AP4E1: variants seen among roughly 807,000 people sequenced by gnomAD.
AP4E1 encodes adaptor related protein complex 4 subunit epsilon 1, also known as AP-4 complex subunit epsilon-1.
In AP4E1, 56 loss-of-function variants were observed where a neutral mutation model predicts 128.2. That is an observed-to-expected ratio of 0.44 (90% CI 0.35 to 0.55). The LOEUF (loss-of-function observed/expected upper bound fraction) is 0.55. Among genes scored for constraint, AP4E1 ranks in the 20% least tolerant of loss-of-function variants. The pLI is 0.00. For missense variants in AP4E1, 1,324 were observed against 1,307.7 expected, an observed-to-expected ratio of 1.01 and a Z score of -0.19; for synonymous variants, 484 against 473.1, an observed-to-expected ratio of 1.02 and a Z score of -0.30.
chr15:50,948,045 C>T lies in AP4E1; in HGVS notation c.1202C>T (p.Thr401Ile), dbSNP rs1240376631. The change falls in exon 11 of 21, where the codon ACT (threonine) becomes ATT (isoleucine). Residue 401 changes from threonine (T) to isoleucine (I), a missense_variant. Coordinates refer to ENST00000261842, the MANE Select transcript of AP4E1 (RefSeq NM_007347.5). ...ACTCTGGAACTTCTTTACAGAATTA[C>T]TAATGCACAGAATATAACAGTTATT... ...RETLELLYRI[T>I]NAQNITVIVQ... The T allele has an allele frequency of 1.9e-6, 3 of 1,607,168 alleles. No homozygotes were observed. Among genetic ancestry groups the T allele is most frequent in the Admixed American group, 1.7e-5 (1 of 59,998 alleles).
intron 20 of AP4E1, 127 bp downstream of exon 20, chr15:51,001,310 G>C: frequency 1.1e-6 from 1 of 878,068 alleles, no homozygotes; most frequent in Non-Finnish European, 1.7e-6. Context: ...TCTTTCAGAT[G>C]AATGTGTTTT....
At chr15:50,983,935 T>C (rs554900275) in intron 15 of AP4E1, 87 bp from the exon 16 acceptor site, 62 of 1,399,526 alleles carry the variant, frequency 4.4e-5, no homozygotes, top group Non-Finnish European at 6.0e-6. Context: ...AGTTCCAGGC[T>C]TGAATTATTG....
chr15:50,981,129 A>G (rs1193045851), intron 15 of AP4E1, among the ~76,000 whole-genome samples: 2 of 152,132 alleles, frequency 1.3e-5, no homozygotes, highest in Non-Finnish European at 2.9e-5. Flanking sequence ...ACTAGCTTGC[A>G]GCATCAGCCT....
intron 1 of AP4E1, among the ~76,000 whole-genome samples, chr15:50,909,205 C>T (rs929181213): frequency 6.6e-6 from 1 of 152,202 alleles, no homozygotes; most frequent in African/African-American, 2.4e-5. Context: ...GTTTTCTCAA[C>T]GTTGTGGTGG....
intron 16 of AP4E1, among the ~76,000 whole-genome samples, chr15:50,992,723 A>G (rs1461730524): frequency 6.6e-6 from 1 of 152,152 alleles, no homozygotes; most frequent in Non-Finnish European, 1.5e-5. Flanking sequence ...TCTTTTTTAG[A>G]TAAAACTTCA....
intron 1 of AP4E1, among the ~76,000 whole-genome samples, chr15:50,909,517 T>C (rs1261551823): frequency 6.6e-6 from 1 of 152,164 alleles, no homozygotes; most frequent in African/African-American, 2.4e-5. Flanking sequence ...AAATGTAAAA[T>C]TTGCTAAGTC....
intron 15 of AP4E1, among the ~76,000 whole-genome samples, chr15:50,977,706 GTT>G (rs1401774266): frequency 1.2e-5 from 1 of 80,282 alleles, no homozygotes; most frequent in African/African-American, 4.7e-5. Context: ...ATCTGTTATG[GTT>G]TTTTTTTTTT....
chr15:51,002,207 A>G (rs916802718), intron 20 of AP4E1, among the ~76,000 whole-genome samples: 17 of 152,140 alleles, frequency 1.1e-4, no homozygotes, highest in African/African-American at 3.9e-4. Flanking sequence ...AGAAACCACC[A>G]TATCATTTTC....
intron 14 of AP4E1, among the ~76,000 whole-genome samples, chr15:50,960,024 C>T (rs1330077305): frequency 2.0e-5 from 3 of 151,872 alleles, no homozygotes; most frequent in Non-Finnish European, 4.4e-5. Flanking sequence ...ATAAAGGAGA[C>T]AAGAAATGTT....
chr15:50,986,954 G>A (rs1205082690), intron 16 of AP4E1, among the ~76,000 whole-genome samples: 1 of 152,088 alleles, frequency 6.6e-6, no homozygotes, highest in African/African-American at 2.4e-5. Flanking sequence ...TTTTTTGGTT[G>A]GTAAGCTATT....
intron 16 of AP4E1, among the ~76,000 whole-genome samples, chr15:50,989,398 A>G (rs1450615575): frequency 6.6e-6 from 1 of 151,984 alleles, no homozygotes; most frequent in Non-Finnish European, 1.5e-5. Context: ...GGTTACAAGT[A>G]TTTATCAGAA....
At chr15:50,908,135 G>A (rs1386633047), upstream of AP4E1, among the ~76,000 whole-genome samples, 1 of 152,192 alleles carries the variant, frequency 6.6e-6, no homozygotes, top group African/African-American at 2.4e-5. Context: ...GGGCGGACGG[G>A]AAGCGACAGT....
At chr15:50,994,366 A>G (rs573762251) in intron 17 of AP4E1, among the ~76,000 whole-genome samples, 12 of 152,158 alleles carry the variant, frequency 7.9e-5, no homozygotes, top group African/African-American at 2.9e-4. Flanking sequence ...CAAAATTTTG[A>G]TTAGAGTGAC....
Position 50,972,858 on chromosome 15 carries a change from A to T in AP4E1, c.1966+4481A>T, listed in dbSNP as rs141185085. 4.8e-3 allele frequency among the ~76,000 whole-genome samples: 730 copies of T among 152,252 alleles called. 5 individuals are homozygous for T. Among genetic ancestry groups the T allele is most frequent in the Admixed American group, 8.4e-3 (129 of 15,294 alleles). On this transcript the variant is annotated intron_variant, in intron 15 of 20. Coordinates refer to ENST00000261842, the MANE Select transcript of AP4E1 (RefSeq NM_007347.5). The stretch of plus-strand genomic sequence containing the variant: ...TTGGGGATGGGGGGCATGTCTTCTG[A>T]GGGTAGCCCTATGGGGATGTTTCTC...
chr15:50,964,837 G>A (rs553335119), intron 14 of AP4E1, among the ~76,000 whole-genome samples: 1 of 152,124 alleles, frequency 6.6e-6, no homozygotes, highest in African/African-American at 2.4e-5. Context: ...TGGAGGTAGG[G>A]CCTGGTGGGA....
At position 50,965,134 on chromosome 15, in the gene AP4E1, C is replaced by T. The variant is rs142564098; in HGVS notation, c.1852-3129C>T. On this transcript the variant is annotated intron_variant, in intron 14 of 20. Transcript: ENST00000261842. ...GCTTCTTGTACAGCCTGCAGATCCG[C>T]GAGTCAATGAAACCTATTTTTTTTT... Among the ~76,000 whole-genome samples the T allele has an allele frequency of 4.5e-3, 683 of 152,166 alleles. 5 individuals carry two copies. The highest frequency in any genetic ancestry group is 0.015 in the African/African-American group (636 of 41,484).
chr15:50,924,031 G>A (rs1354481527), intron 4 of AP4E1, 27 bp downstream of exon 4: 2 of 1,558,866 alleles, frequency 1.3e-6, no homozygotes, highest in Non-Finnish European at 1.8e-6. Flanking sequence ...TGGTTAATAT[G>A]AAGTCATAAT....
intron 10 of AP4E1, among the ~76,000 whole-genome samples, chr15:50,943,602 A>G (rs1408319398): frequency 6.6e-6 from 1 of 152,188 alleles, no homozygotes; most frequent in Non-Finnish European, 1.5e-5. Context: ...TCCTTTGTAT[A>G]GTTGAGTACT....
chr15:50,960,959 T>C (rs1303521987), intron 14 of AP4E1, among the ~76,000 whole-genome samples: 2 of 151,934 alleles, frequency 1.3e-5, no homozygotes, highest in East Asian at 1.9e-4. Context: ...ATGGCTACCA[T>C]AGAAATATAA....
Sources: allele counts gnomAD v4.1 joint callset (sites outside exome capture counted in the v4.1 genomes callset), GRCh38; gene constraint gnomAD v4.1.1; transcripts MANE v1.5; gene names NCBI Gene and HGNC (gene_info 2026-07-23, HGNC 2026-07-21).